The following MTDH variants were observed in gnomAD, a reference collection of about 807,000 sequenced individuals.
MTDH encodes the protein metadherin, also known as protein LYRIC.
A neutral mutation model predicts 72.7 loss-of-function variants in MTDH; 34 were observed. The observed-to-expected ratio is 0.47, with a 90% CI of 0.36 to 0.62. The LOEUF is 0.62. Among genes scored for constraint, MTDH ranks in the 20% least tolerant of loss-of-function variants. MTDH has a pLI of 0.00. For missense variants in MTDH, 677 were observed against 699.4 expected, an observed-to-expected ratio of 0.97 and a Z score of 0.36; for synonymous variants, 266 against 268.9, an observed-to-expected ratio of 0.99 and a Z score of 0.10.
rs986595836 is a variant in MTDH at position 97,689,458 on chromosome 8, G to T, written c.811+355G>T. 3.5e-4 allele frequency among the ~76,000 whole-genome samples: 50 copies of T among 144,056 alleles called. 1 individual carries two copies. The highest frequency in any genetic ancestry group is 1.3e-3 in the African/African-American group (49 of 38,308). The allele number at this position is 144,056 out of a possible 152,430, so 94.5% of individuals were successfully genotyped here. A position where few individuals can be genotyped will look rare whatever the true frequency, so the allele number is the denominator to read the frequency against. On this transcript the variant is annotated intron_variant, in intron 5 of 11. Transcript: ENST00000336273. ...ATATCGGATAAAATACTTGATGCTTGTATGTTAAAAAAAAAAAAAGCTTTA... is the reference window on the plus strand; with the variant it reads ...ATATCGGATAAAATACTTGATGCTTTTATGTTAAAAAAAAAAAAAGCTTTA...
At chr8:97,656,835 A>G (rs1194514323) in intron 1 of MTDH, among the ~76,000 whole-genome samples, 1 of 151,786 alleles carries the variant, frequency 6.6e-6, no homozygotes, top group East Asian at 2.0e-4. Context: ...CCCGCTCTCT[A>G]CTAAAAATAC....
intron 1 of MTDH, among the ~76,000 whole-genome samples, 173 bp downstream of exon 1, chr8:97,645,060 T>G (rs1811513073): frequency 6.6e-6 from 1 of 151,774 alleles, no homozygotes; most frequent in Non-Finnish European, 1.5e-5. Flanking sequence ...ATTTGGGGAA[T>G]GGGGGGAACT....
chr8:97,687,313 T>C, intron 3 of MTDH, 116 bp from the exon 4 acceptor site: 5 of 841,026 alleles, frequency 5.9e-6, no homozygotes, highest in Non-Finnish European at 8.6e-6. Context: ...TGGTTTTAGC[T>C]TAACATCTAA....
At chr8:97,716,867 A>T (rs1814893986) in intron 9 of MTDH, among the ~76,000 whole-genome samples, 1 of 151,878 alleles carries the variant, frequency 6.6e-6, no homozygotes, top group African/African-American at 2.4e-5. Flanking sequence ...TTTTTTGTAG[A>T]GACAGAGTTT....
chr8:97,647,536 G>A (rs1013147926), intron 1 of MTDH, among the ~76,000 whole-genome samples: 1 of 152,114 alleles, frequency 6.6e-6, no homozygotes, highest in African/African-American at 2.4e-5. Flanking sequence ...CTAAAAAAAG[G>A]GGGGAAGGGA....
In MTDH at chr8:97,655,177, C is replaced by G. The variant is rs57811934; in HGVS notation, c.382-5895C>G. ...TGGGATCTCAATCCTGGTCTCCCAG[C>G]CTGCTTTCAAAACCTGTACTCTTGA... On this transcript the variant is annotated intron_variant, in intron 1 of 11. Transcript: ENST00000336273. 6.2e-3 allele frequency among the ~76,000 whole-genome samples: 938 copies of G among 152,330 alleles called. 10 individuals carry two copies. Among genetic ancestry groups the G allele is most frequent in the African/African-American group, 0.021 (877 of 41,570 alleles).
intron 8 of MTDH, among the ~76,000 whole-genome samples, chr8:97,710,091 A>G (rs930746799): frequency 3.3e-5 from 5 of 152,174 alleles, no homozygotes; most frequent in African/African-American, 9.7e-5. Context: ...TTGTGGTGAA[A>G]ACTTCTAGGG....
chr8:97,682,264 ATATATATATATAT>A (rs1563542476), intron 2 of MTDH, among the ~76,000 whole-genome samples: 2 of 5,648 alleles, frequency 3.5e-4, no homozygotes, highest in African/African-American at 1.5e-3. Context: ...ATATATATAT[ATATATATATATAT>A]ATATTTTTTT....
intron 2 of MTDH, 80 bp from the exon 3 acceptor site, chr8:97,686,588 C>T (rs769430601): frequency 4.7e-5 from 37 of 782,224 alleles, no homozygotes; most frequent in Non-Finnish European, 6.4e-5. Context: ...CAGCATCATA[C>T]ATTTCATTAT....
chr8:97,714,204 C>G lies in MTDH; in HGVS notation c.1380+435C>G, dbSNP rs1814757234. On this transcript the variant is annotated intron_variant, in intron 9 of 11. Transcript: ENST00000336273. ...GAAGTATCCTTTCCTGCTTTTTTGG[C>G]ATCTACCCAACAGACATTTTCTCTT... Among the ~76,000 whole-genome samples, 3 of 152,152 alleles carry G rather than the reference C, an allele frequency of 2.0e-5. 1 individual carries two copies. In the South Asian group the frequency reaches 6.2e-4, roughly 31 times the overall value.
intron 9 of MTDH, among the ~76,000 whole-genome samples, chr8:97,717,112 A>T (rs1343420126): frequency 2.6e-5 from 4 of 152,204 alleles, no homozygotes; most frequent in Non-Finnish European, 5.9e-5. Flanking sequence ...AAGATTACAG[A>T]CTTCACCCAC....
chr8:97,660,854 T>G (rs1812145277), intron 1 of MTDH, among the ~76,000 whole-genome samples: 1 of 151,902 alleles, frequency 6.6e-6, no homozygotes, highest in Non-Finnish European at 1.5e-5. Context: ...GATAAGAAAA[T>G]CTGTGGTACA....
chr8:97,727,190 C>G lies in MTDH; in HGVS notation c.*2520C>G, dbSNP rs994643107. ...ATTTTAATTACCTTTTACCTTGTTT[C>G]ATAGATCTTTATGTGACATAAAAAC... is the stretch of plus-strand genomic sequence containing the variant. On this transcript the variant is annotated 3_prime_UTR_variant, in exon 12 of 12. Transcript: ENST00000336273. The G allele has an allele frequency of 2.6e-5, 4 of 151,962 alleles. No homozygotes were observed. Among genetic ancestry groups the G allele is most frequent in the African/African-American group, 9.7e-5 (4 of 41,374 alleles). The allele number at this position is 151,962 out of a possible 1,614,324, so 9.4% of individuals were successfully genotyped here. A position where few individuals can be genotyped will look rare whatever the true frequency, so the allele number is the denominator to read the frequency against.
intron 2 of MTDH, among the ~76,000 whole-genome samples, chr8:97,662,512 G>A (rs1812212580): frequency 6.6e-6 from 1 of 151,968 alleles, no homozygotes; most frequent in South Asian, 2.1e-4. Context: ...CTGGCTGGGT[G>A]TGGTGGCTCA....
chr8:97,664,162 C>T (rs1036111282), intron 2 of MTDH, among the ~76,000 whole-genome samples: 7 of 152,130 alleles, frequency 4.6e-5, no homozygotes, highest in South Asian at 2.1e-4. Flanking sequence ...TTGAGATCAG[C>T]CTGGTCAACA....
intron 6 of MTDH, among the ~76,000 whole-genome samples, chr8:97,694,714 G>C (rs1220918187): frequency 1.3e-5 from 2 of 152,170 alleles, no homozygotes; most frequent in East Asian, 1.9e-4. Flanking sequence ...CTGAGCCCAG[G>C]AGTTCCAAGA....
chr8:97,697,447 G>A (rs547707410), intron 6 of MTDH, among the ~76,000 whole-genome samples: 2 of 140,612 alleles, frequency 1.4e-5, no homozygotes, highest in East Asian at 4.4e-4. Context: ...GTGCAGTGGC[G>A]CAATCTCGGC....
intron 10 of MTDH, among the ~76,000 whole-genome samples, chr8:97,720,668 C>G (rs924889692): frequency 1.7e-5 from 2 of 120,598 alleles, no homozygotes; most frequent in African/African-American, 6.6e-5. Context: ...TTTTTTGAGA[C>G]AAGAGTCTTG....
At chr8:97,708,269 T>C (rs1285322897) in intron 8 of MTDH, among the ~76,000 whole-genome samples, 15 of 58,426 alleles carry the variant, frequency 2.6e-4, no homozygotes, top group African/African-American at 1.2e-3. Context: ...CAGGCCTTTT[T>C]TTTTTTTTTT....
Sources: gnomAD v4.1 joint callset for allele counts (sites outside exome capture counted in the v4.1 genomes callset) on GRCh38, gnomAD v4.1.1 for gene constraint, MANE v1.5 for transcripts, NCBI Gene and HGNC (gene_info 2026-07-23, HGNC 2026-07-21) for gene names.